The following RSRP1 variants were observed in gnomAD, a reference collection of about 807,000 sequenced individuals.
RSRP1 encodes arginine/serine-rich protein 1.
In RSRP1, 37 loss-of-function variants were observed where a neutral mutation model predicts 33.0. The observed-to-expected ratio is 1.12, with a 90% CI of 0.86 to 1.48. The LOEUF is 1.48. Ranked by LOEUF, RSRP1 falls within the 40% of genes most tolerant of loss-of-function variation. The pLI is 0.00. For missense variants in RSRP1, 402 were observed against 385.3 expected (o/e 1.04, Z -0.36); for synonymous variants, 167 against 158.7 (o/e 1.05, Z -0.40).
intron 1 of RSRP1, among the ~76,000 whole-genome samples, chr1:25,288,845 T>C (rs1320627984): frequency 1.5e-5 from 2 of 129,678 alleles, no homozygotes; most frequent in African/African-American, 2.7e-5. Context: ...CCTTTGTCAA[T>C]GAAATGAACA....
chr1:25,294,272 G>A lies in RSRP1; in HGVS notation c.-67+43706C>T. 2.7e-6 allele frequency: 3 copies of A among 1,123,274 alleles called. 1 individual carries two copies. The highest frequency in any genetic ancestry group is 4.0e-6 in the Non-Finnish European group (3 of 748,256). 69.6% of individuals were successfully genotyped at this position (1,123,274 alleles called of 1,614,324 possible). A position where few individuals can be genotyped will look rare whatever the true frequency, so the allele number is the denominator to read the frequency against. Reference sequence around the variant, plus strand: ...CTGAAAATGCCAAAAGCCCTGCCTTGGCAGCTTTCTGCGAGGCATCCCCAT... The same window carrying A: ...CTGAAAATGCCAAAAGCCCTGCCTTAGCAGCTTTCTGCGAGGCATCCCCAT... On this transcript the variant is annotated intron_variant, in intron 1 of 1. Coordinates refer to the RSRP1 transcript ENST00000561867.
At chr1:25,285,774 C>T (rs1163888805) in intron 1 of RSRP1, among the ~76,000 whole-genome samples, 1 of 135,074 alleles carries the variant, frequency 7.4e-6, no homozygotes, top group Non-Finnish European at 1.8e-5. Flanking sequence ...TTTCCTGAAA[C>T]ATTGTTTTGT....
At chr1:25,249,426 C>T (rs539830168), upstream of RSRP1, among the ~76,000 whole-genome samples, 11 of 152,248 alleles carry the variant, frequency 7.2e-5, no homozygotes, top group South Asian at 4.1e-4. Flanking sequence ...GCAACCTCTG[C>T]GTACTGGGTT....
chr1:25,259,173 A>G (rs1640046877), intron 1 of RSRP1, among the ~76,000 whole-genome samples: 1 of 151,826 alleles, frequency 6.6e-6, no homozygotes, highest in Admixed American at 6.6e-5. Flanking sequence ...GGCTCACTGC[A>G]ACCTCTGCCT....
upstream of RSRP1, chr1:25,247,736 A>G (rs1639602662): frequency 6.6e-6 from 1 of 152,382 alleles, no homozygotes. Flanking sequence ...GAAAACTTCG[A>G]AGATGGAACG....
chr1:25,276,431 A>AC (rs1284970487), intron 1 of RSRP1, among the ~76,000 whole-genome samples: 3 of 123,332 alleles, frequency 2.4e-5, no homozygotes, highest in African/African-American at 8.6e-5. Context: ...AAAAAAAAAA[A>AC]CACCCTGGCT....
chr1:25,266,966 C>G (rs1157605330), intron 1 of RSRP1: 1 of 123,808 alleles, frequency 8.1e-6, no homozygotes, highest in East Asian at 2.0e-4. Context: ...GGAGACTGCA[C>G]GTTGCGCCTG....
chr1:25,312,991 A>G (rs1237642748), intron 1 of RSRP1, among the ~76,000 whole-genome samples: 2 of 115,994 alleles, frequency 1.7e-5, no homozygotes, highest in East Asian at 4.5e-4. Flanking sequence ...GCATGTAAGA[A>G]GGACATGCAT....
chr1:25,245,008 T>C (rs1300376270), intron 3 of RSRP1, 142 bp downstream of exon 3: 1 of 1,553,328 alleles, frequency 6.4e-7, no homozygotes, highest in Non-Finnish European at 8.7e-7. Flanking sequence ...ACATTGCCTA[T>C]CTTCAGATTT....
At chr1:25,273,302 A>ATT (rs750823240) in intron 1 of RSRP1, among the ~76,000 whole-genome samples, 3,205 of 97,802 alleles carry the variant, frequency 0.033, 241 homozygotes, top group African/African-American at 0.11. Flanking sequence ...TGCCTGGCTA[A>ATT]TTTTTTTTTT....
intron 1 of RSRP1, chr1:25,337,840 C>A (rs1297644255): frequency 2.6e-5 from 4 of 151,154 alleles, no homozygotes; most frequent in Non-Finnish European, 5.9e-5. Context: ...CACGCCAAGC[C>A]GGGAAGTCCC....
At chr1:25,242,736 A>C in intron 4 of RSRP1, 31 bp from the exon 5 acceptor site, 1 of 1,395,742 alleles carries the variant, frequency 7.2e-7, no homozygotes, top group Non-Finnish European at 1.0e-6. Flanking sequence ...TCAGCTTCCC[A>C]AACATACATT....
chr1:25,275,768 A>G lies in RSRP1; in HGVS notation c.-66-28739T>C, dbSNP rs1032458721. 3.8e-5 allele frequency among the ~76,000 whole-genome samples: 5 copies of G among 132,156 alleles called. 2 individuals carry two copies. The highest frequency in any genetic ancestry group is 2.9e-4 in the Admixed American group (4 of 13,592). 86.7% of individuals were successfully genotyped at this position (132,156 alleles called of 152,430 possible). A position where few individuals can be genotyped will look rare whatever the true frequency, so the allele number is the denominator to read the frequency against. ...AGTTGACGATAGTGGATGAAAATTCACTCCTCAGAGTCTTCTTGATAATTT... is the reference window on the plus strand; with the variant it reads ...AGTTGACGATAGTGGATGAAAATTCGCTCCTCAGAGTCTTCTTGATAATTT... On this transcript the variant is annotated intron_variant, in intron 1 of 1. Transcript: ENST00000561867.
intron 1 of RSRP1, among the ~76,000 whole-genome samples, chr1:25,254,463 T>A (rs1639887046): frequency 6.6e-6 from 1 of 152,182 alleles, no homozygotes; most frequent in South Asian, 2.1e-4. Context: ...TGAGACAGAG[T>A]CTCACTCTGT....
intron 1 of RSRP1, chr1:25,266,938 C>G (rs559472664): frequency 2.4e-5 from 3 of 123,406 alleles, no homozygotes; most frequent in East Asian, 3.9e-4. Context: ...GCTGCAGGAT[C>G]GCGAGCGCCT....
intron 1 of RSRP1, among the ~76,000 whole-genome samples, chr1:25,269,414 G>C (rs1640426472): frequency 7.5e-6 from 1 of 132,620 alleles, no homozygotes; most frequent in Admixed American, 7.3e-5. Context: ...ATCTGTATCT[G>C]GTAGGAGGAG....
At chr1:25,287,340 G>A (rs1160018281) in intron 1 of RSRP1, among the ~76,000 whole-genome samples, 1 of 135,056 alleles carries the variant, frequency 7.4e-6, no homozygotes, top group East Asian at 1.9e-4. Context: ...GGACCTGTTT[G>A]TTCTTGACTC....
chr1:25,268,514 T>TAAA lies in RSRP1; in HGVS notation c.-66-21488_-66-21486dup, dbSNP rs1335835928. On this transcript the variant is annotated intron_variant, in intron 1 of 1. Transcript: ENST00000561867. ...AGCCTGGGTGACAGAGTACTCCGTC[T>TAAA]AAAAAAAAAACCTAAATACACAAGT... 2.4e-5 allele frequency among the ~76,000 whole-genome samples: 3 copies of TAAA among 123,916 alleles called. 1 individual carries two copies. Among genetic ancestry groups the TAAA allele is most frequent in the Non-Finnish European group, 5.7e-5 (3 of 52,254 alleles). The allele number at this position is 123,916 out of a possible 152,430, so 81.3% of individuals were successfully genotyped here. A position where few individuals can be genotyped will look rare whatever the true frequency, so the allele number is the denominator to read the frequency against.
intron 1 of RSRP1, among the ~76,000 whole-genome samples, chr1:25,263,315 T>G (rs1293535411): frequency 6.6e-6 from 1 of 151,808 alleles, no homozygotes; most frequent in Admixed American, 6.6e-5. Flanking sequence ...GAAAAGCCAT[T>G]GTATTAGTCT....
Sources: allele counts gnomAD v4.1 joint callset (sites outside exome capture counted in the v4.1 genomes callset), GRCh38; gene constraint gnomAD v4.1.1; transcripts MANE v1.5; gene names NCBI Gene and HGNC (gene_info 2026-07-23, HGNC 2026-07-21).